LRRC40: variants seen among roughly 807,000 people sequenced by gnomAD.
The protein encoded by LRRC40 is leucine-rich repeat-containing protein 40.
Under a neutral mutation model 72.8 loss-of-function variants are expected in LRRC40, and 76 were observed. The observed-to-expected ratio is 1.04, with a 90% CI of 0.87 to 1.26. LRRC40 has a LOEUF of 1.26. LRRC40 is among the 50% of genes most tolerant of loss of function. The pLI, the probability that LRRC40 is intolerant of heterozygous loss-of-function variation, is 0.00. For missense variants in LRRC40, 684 were observed against 698.9 expected (o/e 0.98, Z 0.24); for synonymous variants, 243 against 254.2 (o/e 0.96, Z 0.42).
intron 13 of LRRC40, 111 bp from the exon 14 acceptor site, chr1:70,148,783 T>A (rs1414889103): frequency 8.4e-6 from 5 of 594,764 alleles, no homozygotes; most frequent in Non-Finnish European, 1.4e-5. Context: ...GTGTATGTTA[T>A]TCTGTAATTG....
intron 1 of LRRC40, 67 bp downstream of exon 1, chr1:70,205,323 A>C: frequency 1.4e-6 from 2 of 1,430,582 alleles, no homozygotes; most frequent in Non-Finnish European, 1.9e-6. Context: ...CCCAGAGAAA[A>C]GGGAGGTTGC....
intron 7 of LRRC40, 31 bp from the exon 8 acceptor site, chr1:70,173,740 G>C: frequency 9.0e-7 from 1 of 1,111,302 alleles, no homozygotes; most frequent in Non-Finnish European, 1.3e-6. Flanking sequence ...TTCAGGGAAA[G>C]CATCAAATAT....
chr1:70,162,090 A>C (rs1292665321), intron 9 of LRRC40, among the ~76,000 whole-genome samples: 1 of 152,090 alleles, frequency 6.6e-6, no homozygotes, highest in Admixed American at 6.5e-5. Context: ...AAACTTCTCC[A>C]TTTCATTTTT....
chr1:70,196,737 T>A (rs566128173), intron 1 of LRRC40, among the ~76,000 whole-genome samples: 1 of 152,182 alleles, frequency 6.6e-6, no homozygotes, highest in East Asian at 1.9e-4. Context: ...GTGGAGCCAA[T>A]AGCAGGATTG....
intron 7 of LRRC40, among the ~76,000 whole-genome samples, chr1:70,174,932 T>C (rs1668071204): frequency 6.6e-6 from 1 of 152,090 alleles, no homozygotes; most frequent in African/African-American, 2.4e-5. Context: ...AAGTTACATA[T>C]TAACAAATGA....
chr1:70,205,191 G>A (rs193118723), intron 1 of LRRC40, among the ~76,000 whole-genome samples, 199 bp downstream of exon 1: 28 of 152,324 alleles, frequency 1.8e-4, no homozygotes, highest in African/African-American at 4.1e-4. Context: ...CCCTTTAACA[G>A]AGATTGCGGG....
chr1:70,156,374 GATTAAACT>G (rs1667636868), intron 10 of LRRC40, among the ~76,000 whole-genome samples: 1 of 152,022 alleles, frequency 6.6e-6, no homozygotes, highest in South Asian at 2.1e-4. Flanking sequence ...AGTGGACTGA[GATTAAACT>G]ATTCCTATTT....
intron 9 of LRRC40, 96 bp from the exon 10 acceptor site, chr1:70,159,534 G>C (rs1274093316): frequency 2.0e-5 from 10 of 498,734 alleles, no homozygotes; most frequent in Non-Finnish European, 3.6e-5. Flanking sequence ...GTGATTTCTA[G>C]ATATTATTGG....
intron 1 of LRRC40, among the ~76,000 whole-genome samples, chr1:70,189,535 T>TACATACACTGATTAGC (rs1248875569): frequency 6.6e-6 from 1 of 152,204 alleles, no homozygotes; most frequent in Non-Finnish European, 1.5e-5. Flanking sequence ...TTACTAGGTT[T>TACATACACTGATTAGC]ACATACACTG....
At chr1:70,153,321 C>T (rs997175262) in intron 11 of LRRC40, among the ~76,000 whole-genome samples, 1 of 151,654 alleles carries the variant, frequency 6.6e-6, no homozygotes, top group African/African-American at 2.4e-5. Flanking sequence ...GAGATCATGC[C>T]ACTGCACTCC....
chr1:70,187,784 T>C (rs1322356807), intron 2 of LRRC40, among the ~76,000 whole-genome samples: 1 of 150,770 alleles, frequency 6.6e-6, no homozygotes, highest in Non-Finnish European at 1.5e-5. Context: ...TGAGCCCACA[T>C]TGTGCCACTG....
At chr1:70,186,933 C>T (rs1481564246) in intron 3 of LRRC40, among the ~76,000 whole-genome samples, 1 of 150,702 alleles carries the variant, frequency 6.6e-6, no homozygotes, top group Non-Finnish European at 1.5e-5. Flanking sequence ...TTTAGAATAT[C>T]AAGGTAACTT....
chr1:70,194,492 A>T (rs1285333971), intron 1 of LRRC40, among the ~76,000 whole-genome samples: 3 of 152,140 alleles, frequency 2.0e-5, no homozygotes, highest in African/African-American at 7.2e-5. Flanking sequence ...TATTACAAAG[A>T]TGTCGCTTCT....
chr1:70,156,509 A>C (rs1191198191), intron 10 of LRRC40, among the ~76,000 whole-genome samples: 1 of 152,176 alleles, frequency 6.6e-6, no homozygotes, highest in Non-Finnish European at 1.5e-5. Context: ...AATATAAATA[A>C]ATTTCCTCTT....
chr1:70,172,796 T>C (rs953535933), intron 9 of LRRC40, among the ~76,000 whole-genome samples: 1 of 152,136 alleles, frequency 6.6e-6, no homozygotes, highest in Admixed American at 6.6e-5. Context: ...AAGCTATGCA[T>C]AACCAACAGA....
At chr1:70,154,606 T>A (rs1667597199) in intron 11 of LRRC40, among the ~76,000 whole-genome samples, 1 of 151,970 alleles carries the variant, frequency 6.6e-6, no homozygotes. Flanking sequence ...AAGATCTACA[T>A]TCCCTAAACT....
chr1:70,194,292 T>C (rs545565251), intron 1 of LRRC40, among the ~76,000 whole-genome samples: 1 of 152,208 alleles, frequency 6.6e-6, no homozygotes, highest in African/African-American at 2.4e-5. Flanking sequence ...TGTTTCTATG[T>C]ATTAGCAATC....
At chr1:70,192,001 T>G (rs539675727) in intron 1 of LRRC40, among the ~76,000 whole-genome samples, 55 of 152,286 alleles carry the variant, frequency 3.6e-4, no homozygotes, top group Middle Eastern at 6.8e-3. Context: ...TCTAGTCCTG[T>G]GAAGAATGTC....
intron 1 of LRRC40, among the ~76,000 whole-genome samples, chr1:70,191,067 A>G (rs1668489975): frequency 6.6e-6 from 1 of 152,148 alleles, no homozygotes; most frequent in Non-Finnish European, 1.5e-5. Context: ...CTGACAAAAA[A>G]GCAGCCAACA....
Sources: gnomAD v4.1 joint callset for allele counts (sites outside exome capture counted in the v4.1 genomes callset) on GRCh38, gnomAD v4.1.1 for gene constraint, MANE v1.5 for transcripts, NCBI Gene and HGNC (gene_info 2026-07-23, HGNC 2026-07-21) for gene names.